Variants in LAMA1 observed in about 807,000 individuals in gnomAD.
LAMA1 encodes laminin subunit alpha-1.
A neutral mutation model predicts 348.7 loss-of-function variants in LAMA1; 219 were observed. The ratio of observed to expected loss-of-function variants is 0.63; its 90% CI spans 0.56 to 0.70. The LOEUF (loss-of-function observed/expected upper bound fraction) is 0.70, where lower values mean the gene tolerates loss of function less well. LAMA1 is among the 30% of genes least tolerant of loss of function. The pLI, the probability that LAMA1 is intolerant of heterozygous loss-of-function variation, is 0.00. For synonymous variants in LAMA1, 1,487 were observed against 1,491.0 expected (o/e 1.00, Z 0.06); for missense variants, 3,744 against 3,888.0 (o/e 0.96, Z 0.99).
chr18:7,103,542 C>T (rs1436756913), intron 1 of LAMA1, among the ~76,000 whole-genome samples: 3 of 152,066 alleles, frequency 2.0e-5, no homozygotes, highest in Admixed American at 1.3e-4. Flanking sequence ...TGTGGTGGCT[C>T]ACGCCTGTAA....
At position 7,009,346 on chromosome 18, in the gene LAMA1, G is replaced by A. The variant is rs543186422; in HGVS notation, c.3894C>T (p.Asn1298=). ...GCGTGACAGGTTTTTCAGAAACAGA[G>A]TTAAAATATTTCCAAAAATTCTGTA... The part of the protein sequence containing the change: ...AMRENFWKYF[N]SVSEKPVTRE... Residue 1298 remains asparagine (N), a synonymous_variant, in exon 27 of 63, where the codon AAC becomes AAT. Coordinates refer to ENST00000389658, the MANE Select transcript of LAMA1 (RefSeq NM_005559.4). 5 of 1,614,070 alleles carry A rather than the reference G, an allele frequency of 3.1e-6. No homozygotes were observed. Among genetic ancestry groups the A allele is most frequent in the Admixed American group, 1.7e-5 (1 of 60,010 alleles).
chr18:7,002,292 A>AGTC lies in LAMA1; in HGVS notation c.4353_4354insGAC (p.Leu1451_Cys1452insAsp). ...GCAGGAGGGCTGTGAGGACAGGCACACAGAGCACAGTCACTTGCTGAGCCA... is the reference window on the plus strand; with the variant it reads ...GCAGGAGGGCTGTGAGGACAGGCACAGTCCAGAGCACAGTCACTTGCTGAGCCA... On this transcript the variant is annotated inframe_insertion, in exon 30 of 63. Transcript: ENST00000389658. 1 of 1,613,170 alleles carries AGTC rather than the reference A, an allele frequency of 6.2e-7. No individual in the cohort carries two copies. The highest frequency in any genetic ancestry group is 8.5e-7 in the Non-Finnish European group (1 of 1,179,984).
chr18:7,030,144 T>TA (rs991903213), intron 16 of LAMA1, among the ~76,000 whole-genome samples: 1 of 152,170 alleles, frequency 6.6e-6, no homozygotes, highest in African/African-American at 2.4e-5. Flanking sequence ...AGACATCACC[T>TA]AATTCAAGTG....
Position 6,970,859 on chromosome 18 carries a change from C to T in LAMA1, c.6899+998G>A, listed in dbSNP as rs186636546. 2.1e-3 allele frequency among the ~76,000 whole-genome samples: 327 copies of T among 152,206 alleles called. 2 individuals carry two copies. Among genetic ancestry groups the T allele is most frequent in the Non-Finnish European group, 1.9e-3 (132 of 68,012 alleles). Reference sequence around the variant, plus strand: ...AACTCCTAACCTCAGGTGATCCGCCCGCCTCGGCCTCCCAAAGTGCTGGGA... The same window carrying T: ...AACTCCTAACCTCAGGTGATCCGCCTGCCTCGGCCTCCCAAAGTGCTGGGA... On this transcript the variant is annotated intron_variant, in intron 48 of 62. Coordinates refer to ENST00000389658, the MANE Select transcript of LAMA1 (RefSeq NM_005559.4).
At position 6,965,396 on chromosome 18, in the gene LAMA1, C is replaced by A. The variant is rs764399809; in HGVS notation, c.7087G>T (p.Val2363Leu). 1 of 1,614,150 alleles carries A rather than the reference C, an allele frequency of 6.2e-7. No homozygotes were observed. ...FLSIELFRGR[V>L]KVMTDLGSGP... ...GAACCCAGGTCAGTCATAACCTTCA[C>A]TCTGCCACGAAACAGCTCGATGGAT... Residue 2363 changes from valine to leucine, a missense_variant, in exon 50 of 63, where the codon GTG becomes TTG. Coordinates refer to ENST00000389658, the MANE Select transcript of LAMA1 (RefSeq NM_005559.4).
chr18:7,005,781 C>T (rs764282547), intron 29 of LAMA1, among the ~76,000 whole-genome samples: 23 of 152,006 alleles, frequency 1.5e-4, no homozygotes, highest in Non-Finnish European at 2.8e-4. Context: ...TGTGAAGGGA[C>T]TCTGACAAGA....
intron 3 of LAMA1, among the ~76,000 whole-genome samples, chr18:7,061,556 A>C (rs922120198): frequency 3.3e-5 from 5 of 152,162 alleles, no homozygotes; most frequent in African/African-American, 1.2e-4. Flanking sequence ...TCAAGTTTTC[A>C]CCTAGGACCA....
At chr18:6,986,036 GCGTGAGCCAC>G in intron 37 of LAMA1, 91 bp downstream of exon 37, 1 of 1,316,004 alleles carries the variant, frequency 7.6e-7, no homozygotes, top group South Asian at 1.2e-5. Flanking sequence ...GGGATTACAA[GCGTGAGCCAC>G]CCAGCCAGGC....
chr18:6,941,902 T>C lies in LAMA1; in HGVS notation c.*177A>G. On this transcript the variant is annotated 3_prime_UTR_variant, in exon 63 of 63. Transcript: ENST00000389658. ...GGAATTCAATTTACATTTTAGACCA[T>C]TTAATGGAGGTATTTGTTGCACATG... The C allele has an allele frequency of 1.4e-6, 1 of 726,276 alleles. No homozygotes were observed. The highest frequency in any genetic ancestry group is 2.6e-5 in the East Asian group (1 of 38,858). 45.0% of individuals were successfully genotyped at this position (726,276 alleles called of 1,614,324 possible). A position where few individuals can be genotyped will look rare whatever the true frequency, so the allele number is the denominator to read the frequency against.
At chr18:7,106,766 A>G (rs1173458986) in intron 1 of LAMA1, among the ~76,000 whole-genome samples, 1 of 152,106 alleles carries the variant, frequency 6.6e-6, no homozygotes, top group African/African-American at 2.4e-5. Flanking sequence ...TTTAATGTGC[A>G]GCCCACAGAG....
At chr18:7,085,136 T>G (rs1486846525) in intron 1 of LAMA1, among the ~76,000 whole-genome samples, 8 of 152,120 alleles carry the variant, frequency 5.3e-5, no homozygotes, top group Admixed American at 5.2e-4. Flanking sequence ...AATTCTTAGC[T>G]ACAGGATCTG....
chr18:6,948,579 G>C (rs1403240535), intron 59 of LAMA1, 23 bp from the exon 60 acceptor site: 1 of 1,614,114 alleles, frequency 6.2e-7, no homozygotes, highest in South Asian at 1.1e-5. Context: ...ACATGCAAGA[G>C]TAGACAGTGG....
Position 7,015,861 on chromosome 18 carries a change from G to GTTA in LAMA1, c.2990-4_2990-3insTAA. 2 of 1,614,076 alleles carry GTTA rather than the reference G, an allele frequency of 1.2e-6. No individual in the cohort carries two copies. Among genetic ancestry groups the GTTA allele is most frequent in the Non-Finnish European group, 1.7e-6 (2 of 1,179,996 alleles). On this transcript the variant is annotated splice_polypyrimidine_tract_variant and splice_region_variant and intron_variant, in intron 21 of 62. Transcript: ENST00000389658. Reference sequence around the variant, plus strand: ...CTGAGTGTGTGGGCAGTCACAGGCTGAAATAAAGATGAATGCTGGGTTACA... The same window carrying GTTA: ...CTGAGTGTGTGGGCAGTCACAGGCTGTTAAAATAAAGATGAATGCTGGGTTACA...
At chr18:6,979,853 C>A (rs538339117) in intron 42 of LAMA1, among the ~76,000 whole-genome samples, 3 of 152,130 alleles carry the variant, frequency 2.0e-5, no homozygotes, top group East Asian at 1.9e-4. Context: ...GAGCCAAGAT[C>A]GCGCCACTGC....
chr18:6,999,320 TAAGAA>T, intron 32 of LAMA1, 120 bp downstream of exon 32: 1 of 968,148 alleles, frequency 1.0e-6, no homozygotes, highest in Non-Finnish European at 1.6e-6. Context: ...GCTTAGAAAA[TAAGAA>T]AATGAAAATA....
At chr18:7,082,979 A>AGG (rs2058199031) in intron 1 of LAMA1, among the ~76,000 whole-genome samples, 1 of 152,074 alleles carries the variant, frequency 6.6e-6, no homozygotes, top group Non-Finnish European at 1.5e-5. Context: ...TGTGTTATTG[A>AGG]GGAGGGGAGG....
intron 11 of LAMA1, 63 bp downstream of exon 11, chr18:7,038,747 C>G: frequency 1.2e-6 from 2 of 1,604,552 alleles, no homozygotes; most frequent in Non-Finnish European, 1.7e-6. Flanking sequence ...TCACACAGCT[C>G]GTGCCAAGCT....
At chr18:6,965,795 T>A (rs1281493775) in intron 49 of LAMA1, 5 of 397,228 alleles carry the variant, frequency 1.3e-5, no homozygotes, top group South Asian at 2.7e-5. Flanking sequence ...GAAATTCCCA[T>A]GGATGGAATT....
At chr18:6,954,762 GACA>G (rs2143987947) in intron 57 of LAMA1, 3 of 178,132 alleles carry the variant, frequency 1.7e-5, no homozygotes, top group South Asian at 2.4e-4. Flanking sequence ...CACAGCCAAT[GACA>G]ACAAGACGGG....
Sources: gnomAD v4.1 joint callset for allele counts (sites outside exome capture counted in the v4.1 genomes callset) on GRCh38, gnomAD v4.1.1 for gene constraint, MANE v1.5 for transcripts, NCBI Gene and HGNC (gene_info 2026-07-23, HGNC 2026-07-21) for gene names.